The following TMEM72 variants were observed in gnomAD, a reference collection of about 807,000 sequenced individuals.
The protein encoded by TMEM72 is transmembrane protein 72.
TMEM72 carries 9 observed loss-of-function variants against 16.3 expected under a neutral mutation model. The observed-to-expected ratio is 0.55, with a 90% CI of 0.33 to 0.96. The LOEUF (loss-of-function observed/expected upper bound fraction) is 0.96. Among genes scored for constraint, TMEM72 ranks in the 40% least tolerant of loss-of-function variants. The pLI is 0.03. For synonymous variants in TMEM72, 160 were observed against 146.5 expected, an observed-to-expected ratio of 1.09 and a Z score of -0.66; for missense variants, 324 against 337.8, an observed-to-expected ratio of 0.96 and a Z score of 0.32.
chr10:44,922,799 G>A (rs1462910112), intron 1 of TMEM72, among the ~76,000 whole-genome samples: 1 of 152,184 alleles, frequency 6.6e-6, no homozygotes, highest in African/African-American at 2.4e-5. Flanking sequence ...CTAGGAGCCT[G>A]AATCTCCAAG....
chr10:44,914,583 C>T (rs892502174), intron 1 of TMEM72, among the ~76,000 whole-genome samples: 3 of 152,210 alleles, frequency 2.0e-5, no homozygotes, highest in Admixed American at 2.0e-4. Flanking sequence ...TGTGCGGATG[C>T]CGGAGCTCCT....
At chr10:44,919,173 G>C (rs926475595) in intron 1 of TMEM72, among the ~76,000 whole-genome samples, 16 of 152,266 alleles carry the variant, frequency 1.1e-4, no homozygotes, top group Admixed American at 9.8e-4. Context: ...TCAACCTTAA[G>C]AGGTCATTAC....
Position 44,935,246 on chromosome 10 carries a change from C to G in TMEM72, c.*112C>G, listed in dbSNP as rs1248529261. The G allele has an allele frequency of 1.8e-6, 2 of 1,099,390 alleles. No individual in the cohort carries two copies. Among genetic ancestry groups the G allele is most frequent in the African/African-American group, 3.2e-5 (2 of 62,818 alleles). The allele number at this position is 1,099,390 out of a possible 1,614,324, so 68.1% of individuals were successfully genotyped here. A position where few individuals can be genotyped will look rare whatever the true frequency, so the allele number is the denominator to read the frequency against. ...GCTTTTCAAGGGGTAACCAGACACC[C>G]CCACACTGGCTGGGCCCCTGAGGCC... On this transcript the variant is annotated 3_prime_UTR_variant, in exon 5 of 5. Coordinates refer to ENST00000389583, the MANE Select transcript of TMEM72 (RefSeq NM_001123376.3).
At chr10:44,931,841 G>A in intron 2 of TMEM72, 157 bp from the exon 3 acceptor site, 1 of 743,148 alleles carries the variant, frequency 1.3e-6, no homozygotes, top group South Asian at 1.8e-5. Context: ...AACACGCCAT[G>A]TCCTGGAGAC....
intron 1 of TMEM72, among the ~76,000 whole-genome samples, chr10:44,924,514 G>A (rs192244894): frequency 3.1e-5 from 4 of 127,592 alleles, no homozygotes; most frequent in South Asian, 2.4e-4. Context: ...TCGGAGAAGC[G>A]GCCAGGAGCC....
chr10:44,921,692 G>A (rs1192617496), intron 1 of TMEM72, among the ~76,000 whole-genome samples: 1 of 152,210 alleles, frequency 6.6e-6, no homozygotes, highest in Non-Finnish European at 1.5e-5. Flanking sequence ...TGTGAAGGCA[G>A]AGCTTCCAAG....
chr10:44,935,367 C>T lies in TMEM72; in HGVS notation c.*233C>T. 1 of 472,732 alleles carries T rather than the reference C, an allele frequency of 2.1e-6. No individual in the cohort carries two copies. Among genetic ancestry groups the T allele is most frequent in the Admixed American group, 3.8e-5 (1 of 26,086 alleles). The allele number at this position is 472,732 out of a possible 1,614,324, so 29.3% of individuals were successfully genotyped here. On this transcript the variant is annotated 3_prime_UTR_variant, in exon 5 of 5. Transcript: ENST00000389583. ...TCAAGCCAGCACAAGCTCCTTCCTC[C>T]TGGCCACAGGTGGGGAAACCCTTAT...
At chr10:44,921,251 C>T (rs900993679) in intron 1 of TMEM72, among the ~76,000 whole-genome samples, 3 of 152,032 alleles carry the variant, frequency 2.0e-5, no homozygotes, top group African/African-American at 4.8e-5. Flanking sequence ...GAGACAGAGG[C>T]GTGGGGTGAG....
In TMEM72 at chr10:44,911,433, C is replaced by A. The variant is rs1278176244; in HGVS notation, c.-80C>A. 2 of 1,459,660 alleles carry A rather than the reference C, an allele frequency of 1.4e-6. No homozygotes were observed. Among genetic ancestry groups the A allele is most frequent in the Admixed American group, 4.0e-5 (2 of 50,078 alleles). 90.4% of individuals were successfully genotyped at this position (1,459,660 alleles called of 1,614,324 possible). On this transcript the variant is annotated 5_prime_UTR_variant, in exon 1 of 5. Transcript: ENST00000389583. Reference sequence around the variant, plus strand: ...GCCACAGCCAGCAGCCTCCTACCTACACAAGGGTGTTCGGGAGCATCTCAG... The same window carrying A: ...GCCACAGCCAGCAGCCTCCTACCTAAACAAGGGTGTTCGGGAGCATCTCAG...
intron 1 of TMEM72, among the ~76,000 whole-genome samples, chr10:44,914,971 C>A (rs1839992609): frequency 6.6e-6 from 1 of 152,260 alleles, no homozygotes; most frequent in Admixed American, 6.5e-5. Flanking sequence ...GGGAAGAGCC[C>A]CCTTTGTGGG....
chr10:44,921,758 C>G (rs1297944450), intron 1 of TMEM72, among the ~76,000 whole-genome samples: 4 of 152,214 alleles, frequency 2.6e-5, no homozygotes, highest in African/African-American at 9.6e-5. Context: ...AGGCTAAATT[C>G]CAAGAGGAGC....
chr10:44,913,281 C>G (rs1839963699), intron 1 of TMEM72, among the ~76,000 whole-genome samples: 1 of 152,138 alleles, frequency 6.6e-6, no homozygotes, highest in Non-Finnish European at 1.5e-5. Context: ...GCCAAGAATC[C>G]CACAGTTCCC....
intron 1 of TMEM72, among the ~76,000 whole-genome samples, chr10:44,926,249 A>G (rs1027636264): frequency 1.3e-5 from 2 of 152,174 alleles, no homozygotes; most frequent in Non-Finnish European, 2.9e-5. Context: ...ACGTGTCCAC[A>G]CATGCACGCA....
chr10:44,913,726 C>T (rs1008827264), intron 1 of TMEM72, among the ~76,000 whole-genome samples: 1 of 152,200 alleles, frequency 6.6e-6, no homozygotes, highest in Non-Finnish European at 1.5e-5. Context: ...GAGTTTCTTC[C>T]AGCATCACTG....
At chr10:44,923,143 C>T (rs542635806) in intron 1 of TMEM72, 12 of 152,580 alleles carry the variant, frequency 7.9e-5, no homozygotes, top group African/African-American at 2.4e-4. Flanking sequence ...GCATGGCTCA[C>T]GTGGCTGAGG....
intron 1 of TMEM72, among the ~76,000 whole-genome samples, chr10:44,926,576 G>A (rs1203184344): frequency 6.6e-6 from 1 of 152,162 alleles, no homozygotes; most frequent in Non-Finnish European, 1.5e-5. Context: ...TGAGCCAGCA[G>A]GGCAGCTGGA....
At chr10:44,914,847 C>G (rs1393981117) in intron 1 of TMEM72, among the ~76,000 whole-genome samples, 2 of 152,216 alleles carry the variant, frequency 1.3e-5, no homozygotes, top group Non-Finnish European at 2.9e-5. Context: ...GCTAGGAAAG[C>G]AGGGTTGGCT....
At chr10:44,932,217 C>A in intron 3 of TMEM72, 148 bp downstream of exon 3, 1 of 969,702 alleles carries the variant, frequency 1.0e-6, no homozygotes, top group Non-Finnish European at 1.5e-6. Flanking sequence ...ATCAGCCTGG[C>A]CTGGAGGTGG....
In TMEM72 at chr10:44,933,741, T is replaced by C. The variant is rs1226446365; in HGVS notation, c.314T>C (p.Leu105Pro). ...CTGCTGCTGTCGGTGGCCTGCTTCC[T>C]CCACCCGGTCCTGGTCTGGCACGTG... ...AYLLLSVACF[L>P]HPVLVWHVTI... Residue 105 changes from leucine to proline, a missense_variant, in exon 4 of 5, where the codon CTC becomes CCC. By Grantham distance (98) the Leu-to-Pro change is moderately conservative. Coordinates refer to ENST00000389583, the MANE Select transcript of TMEM72 (RefSeq NM_001123376.3). 9.9e-6 allele frequency: 16 copies of C among 1,613,886 alleles called. No individual in the cohort carries two copies. Among genetic ancestry groups the C allele is most frequent in the Non-Finnish European group, 1.3e-5 (15 of 1,179,948 alleles).
Sources: gnomAD v4.1 joint callset for allele counts (sites outside exome capture counted in the v4.1 genomes callset) on GRCh38, gnomAD v4.1.1 for gene constraint, MANE v1.5 for transcripts, NCBI Gene and HGNC (gene_info 2026-07-23, HGNC 2026-07-21) for gene names.